Variants in ADAMTS18 observed in about 807,000 individuals in gnomAD.
ADAMTS18 encodes ADAM metallopeptidase with thrombospondin type 1 motif 18, also known as A disintegrin and metalloproteinase with thrombospondin motifs 18.
A neutral mutation model predicts 165.9 loss-of-function variants in ADAMTS18; 157 were observed. The observed-to-expected ratio is 0.95, with a 90% CI of 0.83 to 1.08. The LOEUF (loss-of-function observed/expected upper bound fraction) is 1.08. ADAMTS18 is among the 50% of genes least tolerant of loss of function. The pLI, the probability that ADAMTS18 is intolerant of heterozygous loss-of-function variation, is 0.00. For missense variants in ADAMTS18, 2,040 were observed against 1,534.0 expected, an observed-to-expected ratio of 1.33 and a Z score of -5.51; for synonymous variants, 782 against 578.2, an observed-to-expected ratio of 1.35 and a Z score of -5.06.
chr16:77,355,879 T>C, intron 9 of ADAMTS18, 61 bp downstream of exon 9: 4 of 1,604,926 alleles, frequency 2.5e-6, no homozygotes, highest in Non-Finnish European at 3.4e-6. Flanking sequence ...TGCAGGTCTA[T>C]GGAGCACAAT....
chr16:77,301,862 C>G (rs1479109469), intron 16 of ADAMTS18, among the ~76,000 whole-genome samples: 1 of 152,016 alleles, frequency 6.6e-6, no homozygotes, highest in Non-Finnish European at 1.5e-5. Flanking sequence ...TCTGTGTTCC[C>G]CCATCCAAAA....
Position 77,322,379 on chromosome 16 carries a change from C to A in ADAMTS18, c.2120G>T (p.Cys707Phe). 6.2e-7 allele frequency: 1 copy of A among 1,613,920 alleles called. No homozygotes were observed. The highest frequency in any genetic ancestry group is 8.5e-7 in the Non-Finnish European group (1 of 1,179,946). Residue 707 changes from cysteine (C) to phenylalanine (F), a missense_variant, in exon 14 of 23, where the codon TGC becomes TTC. By Grantham distance (205) the Cys-to-Phe change is radical. Transcript: ENST00000282849. ...ACAAACATCATTTTTGTTTGGGGAGCAGGGAGTTCCATCTTTCACTTTGCC... is the reference window on the plus strand; with the variant it reads ...ACAAACATCATTTTTGTTTGGGGAGAAGGGAGTTCCATCTTTCACTTTGCC... ...MSGKVKDGTP[C>F]SPNKNDVCID...
In ADAMTS18 at chr16:77,291,455, A is replaced by G; in HGVS notation, c.3213T>C (p.Gly1071=). 1 of 1,614,080 alleles carries G rather than the reference A, an allele frequency of 6.2e-7. No individual in the cohort carries two copies. Among genetic ancestry groups the G allele is most frequent in the Non-Finnish European group, 8.5e-7 (1 of 1,180,006 alleles). ...TGCACTTCATCTCCCTCTTCCTCAC[A>G]CCCAAACCACAGGTTGCAGAACACT... ...WSECSATCGL[G]VRKREMKCSE... is the part of the protein sequence containing the mutation. The change falls in exon 21 of 23, where the codon GGT becomes GGC. Residue 1071 remains glycine, a synonymous_variant. Transcript: ENST00000282849.
chr16:77,304,306 T>A lies in ADAMTS18; in HGVS notation c.2533-3902A>T, dbSNP rs188468684. On this transcript the variant is annotated intron_variant, in intron 16 of 22. Transcript: ENST00000282849. ...AGACCCCATTTCTAAAATAAAATTT[T>A]AAAAAACTAGCTAGGTGTTGTAGTG... 4.6e-5 allele frequency among the ~76,000 whole-genome samples: 7 copies of A among 152,174 alleles called. No homozygotes were observed. In the East Asian group the frequency reaches 9.7e-4, roughly 21 times the overall value.
chr16:77,372,603 C>G (rs1597187842), intron 3 of ADAMTS18, among the ~76,000 whole-genome samples: 5 of 152,146 alleles, frequency 3.3e-5, no homozygotes, highest in Admixed American at 1.3e-4. Flanking sequence ...AAGAATGGTA[C>G]ACAAGTAAAT....
chr16:77,343,772 G>A (rs78655761), intron 10 of ADAMTS18, among the ~76,000 whole-genome samples: 1 of 152,256 alleles, frequency 6.6e-6, no homozygotes, highest in Middle Eastern at 3.4e-3. Context: ...AGTTAAAGTT[G>A]ATATTTACAA....
chr16:77,397,182 A>G (rs899106537), intron 3 of ADAMTS18, among the ~76,000 whole-genome samples: 1 of 152,168 alleles, frequency 6.6e-6, no homozygotes, highest in Non-Finnish European at 1.5e-5. Context: ...TAAAGAAAAA[A>G]TAGCTTTAGA....
intron 16 of ADAMTS18, among the ~76,000 whole-genome samples, chr16:77,314,653 A>G (rs1343724372): frequency 2.3e-4 from 16 of 70,212 alleles, no homozygotes; most frequent in Non-Finnish European, 3.0e-4. Flanking sequence ...GTGTGTGTAT[A>G]TATATATATG....
At chr16:77,431,704 A>T (rs2057743071) in intron 2 of ADAMTS18, 93 bp from the exon 3 acceptor site, 1 of 1,313,184 alleles carries the variant, frequency 7.6e-7, no homozygotes, top group Non-Finnish European at 1.1e-6. Context: ...CACAAAGCTC[A>T]AAGATATCTT....
intron 12 of ADAMTS18, among the ~76,000 whole-genome samples, chr16:77,329,635 C>A (rs2056155461): frequency 6.6e-6 from 1 of 152,100 alleles, no homozygotes; most frequent in African/African-American, 2.4e-5. Flanking sequence ...ATTATGTGAT[C>A]TGATTTTTAT....
rs151284602 is a variant in ADAMTS18 at position 77,410,932 on chromosome 16, C to T, written c.495+20363G>A. Among the ~76,000 whole-genome samples the T allele has an allele frequency of 9.5e-3, 1,442 of 152,294 alleles. 17 individuals are homozygous for T. Among genetic ancestry groups the T allele is most frequent in the Middle Eastern group, 0.051 (15 of 294 alleles). The stretch of plus-strand genomic sequence containing the variant: ...ACAGTGTGGCAAAAAATATAACATT[C>T]TGGCCTTTCAGATACTCCCTGTTTA... On this transcript the variant is annotated intron_variant, in intron 3 of 22. Transcript: ENST00000282849.
chr16:77,428,184 C>A (rs1196106506), intron 3 of ADAMTS18, among the ~76,000 whole-genome samples: 1 of 152,172 alleles, frequency 6.6e-6, no homozygotes, highest in Non-Finnish European at 1.5e-5. Context: ...CTCCCAGTCT[C>A]ATTCATCTCT....
intron 16 of ADAMTS18, among the ~76,000 whole-genome samples, chr16:77,318,066 G>C (rs1004148609): frequency 2.0e-5 from 3 of 152,100 alleles, no homozygotes; most frequent in African/African-American, 7.2e-5. Context: ...ACATATATAA[G>C]ATAGAGGAAA....
intron 16 of ADAMTS18, among the ~76,000 whole-genome samples, chr16:77,301,359 C>T (rs968067068): frequency 2.0e-5 from 3 of 151,852 alleles, no homozygotes; most frequent in Non-Finnish European, 4.4e-5. Flanking sequence ...AAGCCACCAA[C>T]CAAAATGTGC....
chr16:77,295,623 G>C (rs890333635), intron 18 of ADAMTS18, among the ~76,000 whole-genome samples: 1 of 152,184 alleles, frequency 6.6e-6, no homozygotes, highest in Non-Finnish European at 1.5e-5. Flanking sequence ...CAATGAGAGA[G>C]AAAGAGAGGG....
rs753490416 is a variant in ADAMTS18 at position 77,322,383 on chromosome 16, G to A, written c.2116C>T (p.Pro706Ser). ...ACATCATTTTTGTTTGGGGAGCAGG[G>A]AGTTCCATCTTTCACTTTGCCGGAC... ...AMSGKVKDGT[P>S]CSPNKNDVCI... is the part of the protein sequence containing the mutation. Residue 706 changes from proline (P) to serine (S), a missense_variant, in exon 14 of 23, where the codon CCC becomes TCC. Transcript: ENST00000282849. 3 of 1,613,884 alleles carry A rather than the reference G, an allele frequency of 1.9e-6. No individual in the cohort carries two copies. The highest frequency in any genetic ancestry group is 2.2e-5 in the East Asian group (1 of 44,852).
chr16:77,289,365 C>T lies in ADAMTS18; in HGVS notation c.3449G>A (p.Cys1150Tyr). ...GGGVQTRSVHCVQQGRPSSSC... is the reference protein window; with the variant it reads ...GGGVQTRSVHYVQQGRPSSSC... ...TGAGGAAGGCCGGCCTTGCTGAACA[C>T]AGTGGACTGACCGGGTCTGGACCCC... The change falls in exon 22 of 23, where the codon TGT becomes TAT. Residue 1150 changes from cysteine to tyrosine, a missense_variant. Physicochemically the swap from Cys to Tyr is radical, Grantham distance 194 (BLOSUM62 -2). Transcript: ENST00000282849. 2 of 1,614,140 alleles carry T rather than the reference C, an allele frequency of 1.2e-6. No homozygotes were observed. Among genetic ancestry groups the T allele is most frequent in the Non-Finnish European group, 8.5e-7 (1 of 1,180,006 alleles).
chr16:77,332,547 T>A (rs75170016), intron 12 of ADAMTS18, among the ~76,000 whole-genome samples: 13,218 of 152,264 alleles, frequency 0.087, 775 homozygotes, highest in East Asian at 0.26. Context: ...GTCAAATGAC[T>A]TTTACAAAGC....
intron 16 of ADAMTS18, among the ~76,000 whole-genome samples, chr16:77,316,545 A>C (rs1023025489): frequency 1.3e-5 from 2 of 152,156 alleles, no homozygotes; most frequent in Non-Finnish European, 2.9e-5. Context: ...CATGGTTTGT[A>C]TTATGTGTGG....
Sources: allele counts gnomAD v4.1 joint callset (sites outside exome capture counted in the v4.1 genomes callset), GRCh38; gene constraint gnomAD v4.1.1; transcripts MANE v1.5; gene names NCBI Gene and HGNC (gene_info 2026-07-23, HGNC 2026-07-21).